POLQ: variants seen among roughly 807,000 people sequenced by gnomAD.
The protein encoded by POLQ is DNA polymerase theta.
Under a neutral mutation model 259.2 loss-of-function variants are expected in POLQ, and 233 were observed. That is an observed-to-expected ratio of 0.90 (90% CI 0.81 to 1.00). POLQ has a LOEUF of 1.00. Among genes scored for constraint, POLQ ranks in the 50% least tolerant of loss-of-function variants. The pLI is 0.00. For synonymous variants in POLQ, 1,025 were observed against 1,048.8 expected (o/e 0.98, Z 0.44); for missense variants, 2,871 against 3,051.6 (o/e 0.94, Z 1.39).
In POLQ at chr3:121,452,092, C is replaced by T. The variant is rs140375551; in HGVS notation, c.7153-2666G>A. Among the ~76,000 whole-genome samples, 508 of 152,324 alleles carry T rather than the reference C, an allele frequency of 3.3e-3. 3 individuals carry two copies. Among genetic ancestry groups the T allele is most frequent in the African/African-American group, 0.012 (479 of 41,570 alleles). ...GACATGGTAGCCTCCGAGTCATGCA[C>T]AGGATATAATCTGTTGATGTGCCCT... On this transcript the variant is annotated intron_variant, in intron 25 of 29. Transcript: ENST00000264233.
chr3:121,480,280 A>C (rs919618963), intron 19 of POLQ, among the ~76,000 whole-genome samples: 15 of 152,258 alleles, frequency 9.9e-5, no homozygotes, highest in African/African-American at 2.9e-4. Context: ...TTTCTATGTC[A>C]GATGAGAATA....
chr3:121,484,632 G>A (rs1472851401), intron 17 of POLQ, among the ~76,000 whole-genome samples: 1 of 152,206 alleles, frequency 6.6e-6, no homozygotes, highest in East Asian at 1.9e-4. Context: ...CAGGCACAGT[G>A]GCTCACACCT....
chr3:121,515,136 T>C (rs1351564732), intron 9 of POLQ, among the ~76,000 whole-genome samples: 1 of 152,152 alleles, frequency 6.6e-6, no homozygotes, highest in Non-Finnish European at 1.5e-5. Context: ...AGTCCCCACC[T>C]AGGCAGGGAG....
At chr3:121,471,652 G>T (rs572593070) in intron 22 of POLQ, among the ~76,000 whole-genome samples, 1 of 152,322 alleles carries the variant, frequency 6.6e-6, no homozygotes, top group African/African-American at 2.4e-5. Flanking sequence ...TGAGGCAGGA[G>T]AATCACTTGA....
At chr3:121,440,981 T>C (rs2047587291) in intron 26 of POLQ, among the ~76,000 whole-genome samples, 1 of 152,228 alleles carries the variant, frequency 6.6e-6, no homozygotes, top group Non-Finnish European at 1.5e-5. Flanking sequence ...TTGTATTTCC[T>C]AGACCAACAT....
In POLQ at chr3:121,489,663, C is replaced by T. The variant is rs746776482; in HGVS notation, c.3268G>A (p.Glu1090Lys). The change falls in exon 16 of 30, where the codon GAA becomes AAA. Residue 1090 changes from glutamate to lysine, a missense_variant. Glu to Lys is a moderately conservative substitution (Grantham distance 56). Transcript: ENST00000264233. ...DPFTLDEKKT[E>K]FRNSGPFAKN... ...GCAAATGGCCCTGAATTTCTAAATT[C>T]CGTTTTCTTCTCATCTAAGGTAAAC... 8 of 1,613,918 alleles carry T rather than the reference C, an allele frequency of 5.0e-6. No homozygotes were observed. The South Asian group carries it at 7.7e-5, about 16-fold the overall frequency.
At chr3:121,494,289 T>G (rs2048096183) in intron 14 of POLQ, 1 of 1,596,116 alleles carries the variant, frequency 6.3e-7, no homozygotes, top group Non-Finnish European at 8.5e-7. Flanking sequence ...CCCCGCTATA[T>G]CAGGTTGCAG....
At position 121,483,540 on chromosome 3, in the gene POLQ, A is replaced by C; in HGVS notation, c.5816T>G (p.Leu1939Arg). Residue 1939 changes from leucine to arginine, a missense_variant, in exon 18 of 30, where the codon CTG (leucine) becomes CGG (arginine). Transcript: ENST00000264233. ...SLVPPSLDPS[L>R]TLKDRMWYLQ... ...GTACCACATCCTGTCTTTCAAAGTC[A>C]GGCTTGGATCTAAAGAAGGTGGAAC... is the stretch of plus-strand genomic sequence containing the variant. 1 of 1,585,262 alleles carries C rather than the reference A, an allele frequency of 6.3e-7. No individual in the cohort carries two copies.
chr3:121,522,576 G>A (rs1000094340), intron 7 of POLQ, among the ~76,000 whole-genome samples: 1 of 151,932 alleles, frequency 6.6e-6, no homozygotes, highest in Non-Finnish European at 1.5e-5. Flanking sequence ...CTCCCAAAGT[G>A]CTGGGATTAC....
At position 121,510,094 on chromosome 3, in the gene POLQ, C is replaced by T. The variant is rs1254688485; in HGVS notation, c.1761G>A (p.Met587Ile). 6.2e-7 allele frequency: 1 copy of T among 1,614,158 alleles called. No individual in the cohort carries two copies. Among genetic ancestry groups the T allele is most frequent in the Non-Finnish European group, 8.5e-7 (1 of 1,179,980 alleles). Residue 587 changes from methionine (M) to isoleucine (I), a missense_variant, in exon 11 of 30, where the codon ATG becomes ATA. Met to Ile is a conservative substitution (Grantham distance 10). Coordinates refer to ENST00000264233, the MANE Select transcript of POLQ (RefSeq NM_199420.4). ...VQLGAIEACVMWLLENEFIQS... is the reference protein window; with the variant it reads ...VQLGAIEACVIWLLENEFIQS... ...GGATGAATTCATTTTCTAGTAGCCACATCACACAGGCCTCAATCGCTCCAA... is the reference window on the plus strand; with the variant it reads ...GGATGAATTCATTTTCTAGTAGCCATATCACACAGGCCTCAATCGCTCCAA...
intron 3 of POLQ, 67 bp downstream of exon 3, chr3:121,541,282 A>G (rs1411334651): frequency 2.0e-5 from 27 of 1,328,206 alleles, no homozygotes; most frequent in Non-Finnish European, 2.7e-5. Flanking sequence ...ATTCTATTTC[A>G]AATGAATGAA....
chr3:121,448,267 C>T (rs1271865492), intron 26 of POLQ, among the ~76,000 whole-genome samples: 3 of 152,048 alleles, frequency 2.0e-5, no homozygotes, highest in Non-Finnish European at 4.4e-5. Flanking sequence ...AGTAATTCTT[C>T]TGCTTGAATA....
chr3:121,531,423 C>T (rs1311759913), intron 6 of POLQ, among the ~76,000 whole-genome samples: 7 of 152,048 alleles, frequency 4.6e-5, no homozygotes, highest in Non-Finnish European at 8.8e-5. Flanking sequence ...TATTAAAAAA[C>T]AGCAGAGGCC....
chr3:121,498,241 C>T (rs375923068), intron 13 of POLQ, among the ~76,000 whole-genome samples: 4 of 151,502 alleles, frequency 2.6e-5, no homozygotes, highest in African/African-American at 9.7e-5. Flanking sequence ...ACCTGGGAGG[C>T]GGAGGTTGCG....
Position 121,488,970 on chromosome 3 carries a change from T to C in POLQ, c.3961A>G (p.Ser1321Gly). 1 of 1,613,796 alleles carries C rather than the reference T, an allele frequency of 6.2e-7. No homozygotes were observed. Among genetic ancestry groups the C allele is most frequent in the Non-Finnish European group, 8.5e-7 (1 of 1,179,662 alleles). Residue 1321 changes from serine (S) to glycine (G), a missense_variant, in exon 16 of 30, where the codon AGT (serine) becomes GGT (glycine). This residue lies in a region of POLQ where 2,080 missense variants were observed against 2,126.0 expected (regional missense o/e 0.98). Transcript: ENST00000264233. ...TCTGACTGAGTATCCAGATAGAAAC[T>C]ATCTTCAAAATCACAGAGGACTAAA... ...LGLVLCDFED[S>G]FYLDTQSEKI... is the part of the protein sequence containing the mutation.
intron 25 of POLQ, among the ~76,000 whole-genome samples, chr3:121,458,188 G>T (rs1003013776): frequency 1.3e-5 from 2 of 152,010 alleles, no homozygotes; most frequent in African/African-American, 4.8e-5. Flanking sequence ...TGAACAATGA[G>T]AACACATGGA....
intron 25 of POLQ, among the ~76,000 whole-genome samples, chr3:121,451,075 C>T (rs190674924): frequency 3.3e-5 from 5 of 152,248 alleles, no homozygotes; most frequent in Non-Finnish European, 2.9e-5. Context: ...TCCAGTTGAT[C>T]GAATTGGCTA....
chr3:121,521,855 G>C lies in POLQ; in HGVS notation c.1255+148C>G, dbSNP rs1309266805. On this transcript the variant is annotated intron_variant, in intron 8 of 29. Coordinates refer to ENST00000264233, the MANE Select transcript of POLQ (RefSeq NM_199420.4). The stretch of plus-strand genomic sequence containing the variant: ...CAAAGTGCTGGGATTACAGGAGTGA[G>C]CCACCACGCCCAGCCCACACAATTT... 4 of 506,166 alleles carry C rather than the reference G, an allele frequency of 7.9e-6. No individual in the cohort carries two copies. In the Admixed American group the frequency reaches 1.7e-4, roughly 21 times the overall value. 31.4% of individuals were successfully genotyped at this position (506,166 alleles called of 1,614,324 possible).
intron 9 of POLQ, among the ~76,000 whole-genome samples, chr3:121,517,644 G>A (rs935961470): frequency 3.3e-5 from 5 of 152,158 alleles, no homozygotes; most frequent in South Asian, 2.1e-4. Context: ...TCTGAGCAGC[G>A]GCCTTAAAGG....
Sources: allele counts gnomAD v4.1 joint callset (sites outside exome capture counted in the v4.1 genomes callset), GRCh38; gene constraint gnomAD v4.1.1; regional missense constraint gnomAD v4.1.1; transcripts MANE v1.5; gene names NCBI Gene and HGNC (gene_info 2026-07-23, HGNC 2026-07-21).